Variants in GSG1L observed in about 807,000 individuals in gnomAD.
GSG1L encodes germ cell-specific gene 1-like protein.
GSG1L carries 24 observed loss-of-function variants against 42.1 expected under a neutral mutation model. The observed-to-expected ratio is 0.57, with a 90% CI of 0.41 to 0.80. The LOEUF (loss-of-function observed/expected upper bound fraction) is 0.80, where lower values mean the gene tolerates loss of function less well. Among genes scored for constraint, GSG1L ranks in the 30% least tolerant of loss-of-function variants. The pLI is 0.00. For missense variants in GSG1L, 445 were observed against 472.2 expected, an observed-to-expected ratio of 0.94 and a Z score of 0.53; for synonymous variants, 215 against 203.5, an observed-to-expected ratio of 1.06 and a Z score of -0.48.
chr16:27,896,378 G>A (rs757444624), intron 2 of GSG1L, among the ~76,000 whole-genome samples: 7 of 152,114 alleles, frequency 4.6e-5, no homozygotes, highest in African/African-American at 1.7e-4. Context: ...TCCAGGATAC[G>A]TTACCTTGCA....
intron 6 of GSG1L, among the ~76,000 whole-genome samples, chr16:27,797,831 AAAAAAAAAAAAAG>A (rs1050302313): frequency 6.6e-5 from 10 of 151,550 alleles, no homozygotes; most frequent in African/African-American, 1.7e-4. Flanking sequence ...CAAAAAAAAA[AAAAAAAAAAAAAG>A]AGAGAGAGAG....
chr16:27,979,605 GA>G (rs1190334840), intron 1 of GSG1L, among the ~76,000 whole-genome samples: 1 of 135,220 alleles, frequency 7.4e-6, no homozygotes, highest in African/African-American at 2.9e-5. Context: ...AAGGAAGAAA[GA>G]AAGGAAGGAA....
At chr16:28,020,338 G>A (rs1276889219) in intron 1 of GSG1L, among the ~76,000 whole-genome samples, 1 of 152,150 alleles carries the variant, frequency 6.6e-6, no homozygotes, top group African/African-American at 2.4e-5. Flanking sequence ...GGGAATCTGA[G>A]AACCAATCTA....
intron 1 of GSG1L, among the ~76,000 whole-genome samples, chr16:28,039,408 G>GACTT (rs2086079527): frequency 6.6e-6 from 1 of 152,166 alleles, no homozygotes; most frequent in African/African-American, 2.4e-5. Flanking sequence ...GAGCCATGGA[G>GACTT]ACTTCTAAAA....
intron 1 of GSG1L, among the ~76,000 whole-genome samples, chr16:27,989,450 A>G (rs1207269021): frequency 6.6e-6 from 1 of 151,996 alleles, no homozygotes; most frequent in Non-Finnish European, 1.5e-5. Context: ...TTATGTTAAA[A>G]TTATACGGAC....
chr16:27,823,519 A>G (rs1462166760), intron 5 of GSG1L, among the ~76,000 whole-genome samples: 2 of 152,092 alleles, frequency 1.3e-5, no homozygotes, highest in Non-Finnish European at 2.9e-5. Context: ...CAGCCCCCGC[A>G]GGGCACTACC....
At chr16:27,927,943 A>G (rs552491257) in intron 2 of GSG1L, among the ~76,000 whole-genome samples, 1 of 152,208 alleles carries the variant, frequency 6.6e-6, no homozygotes, top group African/African-American at 2.4e-5. Context: ...GGTGGTTCCA[A>G]TGTGTGGACA....
At chr16:27,858,794 A>T (rs1166565129) in intron 3 of GSG1L, among the ~76,000 whole-genome samples, 3 of 152,238 alleles carry the variant, frequency 2.0e-5, no homozygotes, top group African/African-American at 7.2e-5. Flanking sequence ...TCTCTACAAA[A>T]ACAAATAAAT....
intron 4 of GSG1L, among the ~76,000 whole-genome samples, chr16:27,835,767 C>A (rs1031743314): frequency 3.9e-5 from 6 of 152,090 alleles, no homozygotes; most frequent in African/African-American, 1.4e-4. Context: ...GCATAGAAAT[C>A]TTGGCTCCCT....
At position 28,051,605 on chromosome 16, in the gene GSG1L, C is replaced by T. The variant is rs148328589; in HGVS notation, c.349+11471G>A. On this transcript the variant is annotated intron_variant, in intron 1 of 6. Transcript: ENST00000447459. Reference sequence around the variant, plus strand: ...CAAGGAAGACCTCATTCACAAGGAACGTTTGAGGGAAGTGATGGTGTGGAA... The same window carrying T: ...CAAGGAAGACCTCATTCACAAGGAATGTTTGAGGGAAGTGATGGTGTGGAA... Among the ~76,000 whole-genome samples the T allele has an allele frequency of 5.3e-5, 8 of 151,618 alleles. No individual in the cohort carries two copies. The East Asian group carries it at 1.4e-3, about 26-fold the overall frequency.
chr16:27,932,065 T>C (rs888318200), intron 2 of GSG1L, among the ~76,000 whole-genome samples: 3 of 152,126 alleles, frequency 2.0e-5, no homozygotes, highest in African/African-American at 7.2e-5. Flanking sequence ...GACTGGGTAA[T>C]TTATGAAGAA....
intron 1 of GSG1L, among the ~76,000 whole-genome samples, chr16:28,062,843 C>T (rs2086358177): frequency 6.6e-6 from 1 of 152,122 alleles, no homozygotes; most frequent in Non-Finnish European, 1.5e-5. Flanking sequence ...CGGGTAGGAG[C>T]TCTGCCTTGC....
chr16:27,870,978 G>A (rs1427677272), intron 3 of GSG1L, among the ~76,000 whole-genome samples: 1 of 148,582 alleles, frequency 6.7e-6, no homozygotes, highest in African/African-American at 2.6e-5. Flanking sequence ...CCCTGACCTT[G>A]TCACTCCTTC....
In GSG1L at chr16:28,063,360, A is replaced by G; in HGVS notation, c.65T>C (p.Phe22Ser). ...CGTGGTGAGGAAAGCGGTGGTGGCG[A>G]ACAGCAGCGCCAGCAGGTTCAGGGC... The part of the protein sequence containing the change: ...AVALNLLALL[F>S]ATTAFLTTHW... The change falls in exon 1 of 7, where the codon TTC becomes TCC. Residue 22 changes from phenylalanine to serine, a missense_variant. Transcript: ENST00000447459. The surrounding 1 kb of genome is among the most constrained non-coding windows in gnomAD (Gnocchi z 5.8). 1 of 1,404,420 alleles carries G rather than the reference A, an allele frequency of 7.1e-7. No homozygotes were observed. 87.0% of individuals were successfully genotyped at this position (1,404,420 alleles called of 1,614,324 possible).
chr16:27,818,407 C>T (rs939674581), intron 5 of GSG1L, among the ~76,000 whole-genome samples: 9 of 152,020 alleles, frequency 5.9e-5, no homozygotes, highest in African/African-American at 9.7e-5. Flanking sequence ...TCACATGAGC[C>T]GCGTGAAGGC....
At chr16:27,928,048 G>A (rs541320993) in intron 2 of GSG1L, among the ~76,000 whole-genome samples, 10 of 152,292 alleles carry the variant, frequency 6.6e-5, no homozygotes, top group South Asian at 2.1e-4. Context: ...TAGACGATAC[G>A]TTCCATGTCC....
chr16:27,797,213 C>T (rs1346342241), intron 6 of GSG1L, among the ~76,000 whole-genome samples: 2 of 152,180 alleles, frequency 1.3e-5, no homozygotes, highest in Admixed American at 1.3e-4. Context: ...AGATTTAAAA[C>T]TATGCAGCCA....
At chr16:28,027,565 T>C (rs760898558) in intron 1 of GSG1L, among the ~76,000 whole-genome samples, 7 of 152,170 alleles carry the variant, frequency 4.6e-5, no homozygotes, top group Non-Finnish European at 7.4e-5. Context: ...AGGAACTGAA[T>C]TTTAAATTTT....
chr16:27,960,572 C>T (rs919565833), intron 2 of GSG1L, among the ~76,000 whole-genome samples: 2 of 152,172 alleles, frequency 1.3e-5, no homozygotes, highest in African/African-American at 2.4e-5. Flanking sequence ...GTTCCCAGTG[C>T]GGCTGGGAAC....
Sources: gnomAD v4.1 joint callset for allele counts (sites outside exome capture counted in the v4.1 genomes callset) on GRCh38, gnomAD v4.1.1 for gene constraint, Gnocchi (gnomAD v3.1) non-coding constraint, MANE v1.5 for transcripts, NCBI Gene and HGNC (gene_info 2026-07-23, HGNC 2026-07-21) for gene names.